HOOK2: variants seen among roughly 807,000 people sequenced by gnomAD.
HOOK2 encodes hook microtubule tethering protein 2, also known as protein Hook homolog 2.
In HOOK2, 108 loss-of-function variants were observed where a neutral mutation model predicts 111.9. The ratio of observed to expected loss-of-function variants is 0.96; its 90% CI spans 0.83 to 1.13. The LOEUF (loss-of-function observed/expected upper bound fraction) is 1.13, where lower values mean the gene tolerates loss of function less well. HOOK2 is among the 50% of genes most tolerant of loss of function. HOOK2 has a pLI of 0.00. For synonymous variants in HOOK2, 405 were observed against 394.3 expected (o/e 1.03, Z -0.32); for missense variants, 978 against 951.3 (o/e 1.03, Z -0.37).
rs1426263568 is a variant in HOOK2 at position 12,767,840 on chromosome 19, G to A, written c.1279C>T (p.Gln427Ter). 6.2e-7 allele frequency: 1 copy of A among 1,604,638 alleles called. No individual in the cohort carries two copies. Among genetic ancestry groups the A allele is most frequent in the South Asian group, 1.1e-5 (1 of 90,988 alleles). Reference protein sequence around the residue: ...ANEELRCAQLQPRGLTQADPS... With the variant: ...ANEELRCAQL ...CCGGCCTGGGTCAACCCCCGCGGCTGCAGCTGGGCGCAGCGCAGCTCCTCA... is the reference window on the plus strand; with the variant it reads ...CCGGCCTGGGTCAACCCCCGCGGCTACAGCTGGGCGCAGCGCAGCTCCTCA... The change falls in exon 13 of 23, where the codon CAG (glutamine) becomes TAG (stop). Residue 427 changes from glutamine (Q) to a stop codon, truncating the protein, a stop_gained. Coordinates refer to ENST00000397668, the MANE Select transcript of HOOK2 (RefSeq NM_013312.3). LOFTEE classifies it high-confidence loss of function.
intron 17 of HOOK2, 50 bp from the exon 18 acceptor site, chr19:12,765,774 T>C: frequency 6.2e-7 from 1 of 1,614,124 alleles, no homozygotes; most frequent in Non-Finnish European, 8.5e-7. Flanking sequence ...GAGGCCCTAA[T>C]TCTTCCTTCC....
chr19:12,773,291 C>G, intron 3 of HOOK2: 2 of 479,028 alleles, frequency 4.2e-6, no homozygotes, highest in Non-Finnish European at 7.6e-6. Context: ...GCTCTGTCAC[C>G]CAGGCTGGAG....
intron 3 of HOOK2, among the ~76,000 whole-genome samples, chr19:12,788,239 A>G (rs1362520183): frequency 6.6e-6 from 1 of 152,202 alleles, no homozygotes; most frequent in Non-Finnish European, 1.5e-5. Flanking sequence ...GTTGGACACC[A>G]GACAAGTTCC....
In HOOK2 at chr19:12,765,005, T is replaced by G; in HGVS notation, c.1717A>C (p.Ser573Arg). ...YIEELEPPTD[S>R]STARRIEELQ... is the part of the protein sequence containing the mutation. ...GTCACTAGGTCCTACTTACTGCTGC[T>G]GTCAGTGGGTGGCTCCAGCTCCTCA... Residue 573 changes from serine (S) to arginine (R), a missense_variant, in exon 19 of 23, where the codon AGC (serine) becomes CGC (arginine). Around this residue, in one of 5 missense-constraint regions of HOOK2, gnomAD observed 277 missense variants for 265.8 expected, o/e 1.04. Coordinates refer to ENST00000397668, the MANE Select transcript of HOOK2 (RefSeq NM_013312.3). 2 of 1,614,148 alleles carry G rather than the reference T, an allele frequency of 1.2e-6. No individual in the cohort carries two copies. The highest frequency in any genetic ancestry group is 1.7e-6 in the Non-Finnish European group (2 of 1,179,966).
rs1968663450 is a variant in HOOK2 at position 12,786,899 on chromosome 19, G to C, written n.42-12674C>G. Among the ~76,000 whole-genome samples, 1 of 152,206 alleles carries C rather than the reference G, an allele frequency of 6.6e-6. No homozygotes were observed. The highest frequency in any genetic ancestry group is 2.4e-5 in the African/African-American group (1 of 41,452). On this transcript the variant is annotated intron_variant and non_coding_transcript_variant, in intron 3 of 3. Transcript: ENST00000589765. The surrounding 1 kb of genome is among the most constrained non-coding windows in gnomAD (Gnocchi z 4.3). ...AAGGAGACCCTCAGTGGGGTGCGGT[G>C]GCTCACACCTGTAATCCCAGCACTT...
rs1464080748 is a variant in HOOK2 at position 12,791,218 on chromosome 19, A to C, written n.42-16993T>G. 2.0e-5 allele frequency among the ~76,000 whole-genome samples: 3 copies of C among 151,688 alleles called. No homozygotes were observed. The highest frequency in any genetic ancestry group is 2.9e-5 in the Non-Finnish European group (2 of 67,872). ...ATCATCCTCCTCCCTGAAACCCCTC[A>C]CTCATGTGCCTGGGCCCCCCAGCAC... On this transcript the variant is annotated intron_variant and non_coding_transcript_variant, in intron 3 of 3. Transcript: ENST00000589765. The surrounding 1 kb of genome is among the most constrained non-coding windows in gnomAD (Gnocchi z 7.0).
chr19:12,775,619 T>C, upstream of HOOK2: 1 of 477,902 alleles, frequency 2.1e-6, no homozygotes, highest in Non-Finnish European at 2.9e-6. Flanking sequence ...AGGCTCCGCC[T>C]CGGAACGTAA....
rs903641682 is a variant in HOOK2, at chr19:12,790,233, G to A, written n.42-16008C>T. 1.3e-5 allele frequency among the ~76,000 whole-genome samples: 2 copies of A among 152,236 alleles called. No homozygotes were observed. Among genetic ancestry groups the A allele is most frequent in the Non-Finnish European group, 2.9e-5 (2 of 68,036 alleles). ...GCTCGCACGCCCAGGTTCCTCTTCC[G>A]AGGCGCAGGATGCGGCGGGACCCAG... is the stretch of plus-strand genomic sequence containing the variant. On this transcript the variant is annotated intron_variant and non_coding_transcript_variant, in intron 3 of 3. Coordinates refer to the HOOK2 transcript ENST00000589765. This position sits in a 1 kb window ranked among gnomAD's most constrained non-coding sequence, Gnocchi z 7.2.
chr19:12,770,542 G>T (rs1352975109), intron 10 of HOOK2, among the ~76,000 whole-genome samples: 1 of 151,940 alleles, frequency 6.6e-6, no homozygotes, highest in Non-Finnish European at 1.5e-5. Flanking sequence ...TCAAAAGGGG[G>T]TGCAAAGTAA....
At chr19:12,768,179 C>CT (rs1464371273) in intron 11 of HOOK2, 56 bp from the exon 12 acceptor site, 1 of 1,433,124 alleles carries the variant, frequency 7.0e-7, no homozygotes, top group Non-Finnish European at 9.8e-7. Flanking sequence ...GGGGCAGGGG[C>CT]TGAGTACAAA....
Position 12,774,835 on chromosome 19 carries a change from G to C in HOOK2, c.108C>G (p.Ala36=), listed in dbSNP as rs767615388. ...ASPQDLSSGL[A]VAYVLNQIDP... ...ACATCTGGTTCAGCACATAGGCTAC[G>C]GCAAGGCCGCTGCTCAGGTCCTGAG... The change falls in exon 2 of 23, where the codon GCC becomes GCG. Residue 36 remains alanine (A), a synonymous_variant. Transcript: ENST00000397668. 104 of 1,613,974 alleles carry C rather than the reference G, an allele frequency of 6.4e-5. No individual in the cohort carries two copies. The highest frequency in any genetic ancestry group is 8.6e-5 in the Non-Finnish European group (101 of 1,179,994).
At position 12,791,057 on chromosome 19, in the gene HOOK2, G is replaced by C. The variant is rs1282951512; in HGVS notation, n.42-16832C>G. On this transcript the variant is annotated intron_variant and non_coding_transcript_variant, in intron 3 of 3. Transcript: ENST00000589765. This position sits in a 1 kb window ranked among gnomAD's most constrained non-coding sequence, Gnocchi z 7.0. ...TTAACCCTCATTTCTGCTTTTTGGGGTCTCCCAATGGATTGTCAGTCCTCC... is the reference window on the plus strand; with the variant it reads ...TTAACCCTCATTTCTGCTTTTTGGGCTCTCCCAATGGATTGTCAGTCCTCC... Among the ~76,000 whole-genome samples the C allele has an allele frequency of 6.6e-6, 1 of 152,108 alleles. No individual in the cohort carries two copies. Among genetic ancestry groups the C allele is most frequent in the Non-Finnish European group, 1.5e-5 (1 of 68,006 alleles).
upstream of HOOK2, among the ~76,000 whole-genome samples, chr19:12,777,577 A>G (rs1020246073): frequency 6.6e-6 from 1 of 152,258 alleles, no homozygotes; most frequent in Non-Finnish European, 1.5e-5. Context: ...GAGGTCAGTT[A>G]GACACACATG....
At chr19:12,772,441 C>T (rs1023167967) in intron 6 of HOOK2, among the ~76,000 whole-genome samples, 172 bp downstream of exon 6, 4 of 152,194 alleles carry the variant, frequency 2.6e-5, no homozygotes, top group South Asian at 2.1e-4. Context: ...TGCTAGATTG[C>T]GACTTAGAGC....
intron 3 of HOOK2, 183 bp from the exon 4 acceptor site, chr19:12,773,227 G>GTTTCT (rs1968389521): frequency 3.6e-6 from 1 of 280,708 alleles, no homozygotes; most frequent in African/African-American, 3.3e-5. Context: ...GACCATCTTT[G>GTTTCT]TTTCTTTTTT....
intron 18 of HOOK2, 171 bp downstream of exon 18, chr19:12,765,519 G>C (rs747481813): frequency 1.1e-6 from 1 of 870,416 alleles, no homozygotes; most frequent in Non-Finnish European, 1.9e-6. Flanking sequence ...AGGCCAAAGC[G>C]GGTGGATCAT....
rs1332401835 is a variant in HOOK2 at position 12,764,990 on chromosome 19, C to T, written c.1723+9G>A. 4 of 1,614,010 alleles carry T rather than the reference C, an allele frequency of 2.5e-6. No individual in the cohort carries two copies. The highest frequency in any genetic ancestry group is 1.3e-5 in the African/African-American group (1 of 74,932). On this transcript the variant is annotated intron_variant, in intron 19 of 22. Coordinates refer to ENST00000397668, the MANE Select transcript of HOOK2 (RefSeq NM_013312.3). ...TCTCCCCACCCTCTGGTCACTAGGT[C>T]CTACTTACTGCTGCTGTCAGTGGGT...
At chr19:12,777,455 G>A (rs1968549551), upstream of HOOK2, among the ~76,000 whole-genome samples, 1 of 152,238 alleles carries the variant, frequency 6.6e-6, no homozygotes, top group Non-Finnish European at 1.5e-5. Flanking sequence ...ACTCCAGCCT[G>A]GACGTCAGGG....
At chr19:12,789,502 G>A (rs1409436322) in intron 3 of HOOK2, among the ~76,000 whole-genome samples, 1 of 152,180 alleles carries the variant, frequency 6.6e-6, no homozygotes, top group Non-Finnish European at 1.5e-5. Context: ...AGACTAAAAC[G>A]AGAGTGGGGC....
Sources: gnomAD v4.1 joint callset for allele counts (sites outside exome capture counted in the v4.1 genomes callset) on GRCh38, gnomAD v4.1.1 for gene constraint, gnomAD v4.1.1 regional missense constraint, Gnocchi (gnomAD v3.1) non-coding constraint, MANE v1.5 for transcripts, NCBI Gene and HGNC (gene_info 2026-07-23, HGNC 2026-07-21) for gene names.